The following MFSD8 variants were observed in gnomAD, a reference collection of about 807,000 sequenced individuals.
MFSD8 encodes the protein major facilitator superfamily domain containing 8.
Under a neutral mutation model 66.4 loss-of-function variants are expected in MFSD8, and 55 were observed. The ratio of observed to expected loss-of-function variants is 0.83; its 90% confidence interval spans 0.67 to 1.04. MFSD8 has a LOEUF of 1.04. Ranked by LOEUF, MFSD8 falls within the 50% of genes least tolerant of loss-of-function variation. The probability of loss-of-function intolerance (pLI) is 0.00; values close to 1 mark genes in which losing one functional copy is unlikely to be tolerated. For missense variants in MFSD8, 550 were observed against 627.6 expected, an observed-to-expected ratio of 0.88 and a Z score of 1.32; for synonymous variants, 202 against 212.8, an observed-to-expected ratio of 0.95 and a Z score of 0.44.
At position 127,930,787 on chromosome 4, in the gene MFSD8, A is replaced by C. The variant is rs118203977; in HGVS notation, c.894T>G (p.Tyr298Ter). 3.7e-6 allele frequency: 6 copies of C among 1,612,184 alleles called. No individual in the cohort carries two copies. The South Asian group carries it at 6.6e-5, about 18-fold the overall frequency. ...TIITPLTMDM[Y>*]AWTQEQAVLY... ...ACACAGCTTGTTCTTGAGTCCAGGCATACATATCCATTGTTAATGGAGTAA... is the reference window on the plus strand; with the variant it reads ...ACACAGCTTGTTCTTGAGTCCAGGCCTACATATCCATTGTTAATGGAGTAA... Residue 298 changes from tyrosine (Y) to a stop codon, truncating the protein, a stop_gained, in exon 9 of 12, where the codon TAT becomes TAG. Transcript: ENST00000641686. LOFTEE classifies it high-confidence loss of function.
rs558338773 is a variant in MFSD8, at chr4:127,950,071, G to A, written c.155-224C>T. Among the ~76,000 whole-genome samples the A allele has an allele frequency of 9.9e-5, 15 of 152,208 alleles. No homozygotes were observed. The East Asian group carries it at 2.9e-3, about 29-fold the overall frequency. On this transcript the variant is annotated intron_variant, in intron 2 of 11. Coordinates refer to ENST00000641686, the MANE Select transcript of MFSD8 (RefSeq NM_001371596.2). The stretch of plus-strand genomic sequence containing the variant: ...TCATCATAATAACAAATACAAAAAA[G>A]CAGAGGATCTACTTCTCCATACTCA...
In MFSD8 at chr4:127,921,702, A is replaced by T; in HGVS notation, c.1172T>A (p.Met391Lys). 1 of 1,614,214 alleles carries T rather than the reference A, an allele frequency of 6.2e-7. No homozygotes were observed. Among genetic ancestry groups the T allele is most frequent in the Non-Finnish European group, 8.5e-7 (1 of 1,180,034 alleles). The change falls in exon 11 of 12, where the codon ATG (methionine) becomes AAG (lysine). Residue 391 changes from methionine (M) to lysine (K), a missense_variant. Met to Lys is a moderately conservative substitution (Grantham distance 95). Coordinates refer to ENST00000641686, the MANE Select transcript of MFSD8 (RefSeq NM_001371596.2). ...AGTTGGTCTTTCATTGTCATCTTCC[A>T]TTGGAGACTTCCAAAGACCAATAAT... ...EIIIGLWKSP[M>K]EDDNERPTGC...
intron 4 of MFSD8, 60 bp from the exon 5 acceptor site, chr4:127,942,218 C>A: frequency 7.4e-7 from 1 of 1,344,474 alleles, no homozygotes; most frequent in Middle Eastern, 1.8e-4. Context: ...TTATAAAATT[C>A]AATCCAATTT....
chr4:127,920,114 G>A lies in MFSD8; in HGVS notation c.*516C>T, dbSNP rs1215615650. 6.2e-6 allele frequency: 1 copy of A among 160,676 alleles called. No homozygotes were observed. Among genetic ancestry groups the A allele is most frequent in the Non-Finnish European group, 1.4e-5 (1 of 73,316 alleles). The allele number at this position is 160,676 out of a possible 1,614,324, so 10.0% of individuals were successfully genotyped here. ...GTTAGGCACGCTAAATGGAAAATAT[G>A]TGTTATAATTTTTATTTCATAAGTG... On this transcript the variant is annotated 3_prime_UTR_variant, in exon 12 of 12. Coordinates refer to ENST00000641686, the MANE Select transcript of MFSD8 (RefSeq NM_001371596.2).
intron 8 of MFSD8, among the ~76,000 whole-genome samples, chr4:127,931,188 T>C (rs1220594800): frequency 6.6e-6 from 1 of 152,196 alleles, no homozygotes; most frequent in East Asian, 1.9e-4. Context: ...TTCAATGCAA[T>C]AATGTTATAT....
At chr4:127,941,756 A>G (rs571485953) in intron 5 of MFSD8, among the ~76,000 whole-genome samples, 1 of 152,200 alleles carries the variant, frequency 6.6e-6, no homozygotes, top group East Asian at 1.9e-4. Context: ...ACCACCACGC[A>G]TGGCCTCACT....
At chr4:127,922,259 TG>T (rs1413710976) in intron 9 of MFSD8, among the ~76,000 whole-genome samples, 3 of 152,156 alleles carry the variant, frequency 2.0e-5, no homozygotes, top group Non-Finnish European at 4.4e-5. Flanking sequence ...TTGAAGAAGC[TG>T]GCCAAAAATG....
intron 9 of MFSD8, 42 bp downstream of exon 9, chr4:127,930,641 A>T (rs753933965): frequency 8.7e-6 from 14 of 1,605,698 alleles, no homozygotes; most frequent in Admixed American, 3.4e-5. Context: ...TTTTTGTTTT[A>T]TTTTTTAAAA....
chr4:127,939,281 A>G (rs2148904387), intron 6 of MFSD8: 1 of 155,886 alleles, frequency 6.4e-6, no homozygotes, highest in South Asian at 1.9e-4. Flanking sequence ...TGTTACTTCC[A>G]TGCCTTTCCC....
chr4:127,931,786 T>C (rs975112043), intron 8 of MFSD8, among the ~76,000 whole-genome samples: 1 of 152,154 alleles, frequency 6.6e-6, no homozygotes, highest in Non-Finnish European at 1.5e-5. Context: ...ATGCACTTAA[T>C]GCTACTGAAC....
At chr4:127,953,013 A>G (rs1457386001) in intron 2 of MFSD8, among the ~76,000 whole-genome samples, 1 of 152,180 alleles carries the variant, frequency 6.6e-6, no homozygotes, top group Non-Finnish European at 1.5e-5. Flanking sequence ...AATTGCAGGC[A>G]TTGCTACCAA....
chr4:127,951,815 G>A (rs1435973090), intron 2 of MFSD8, among the ~76,000 whole-genome samples: 1 of 147,730 alleles, frequency 6.8e-6, no homozygotes, highest in Non-Finnish European at 1.5e-5. Flanking sequence ...TGCAATCTCC[G>A]CCTCCCGGGT....
intron 3 of MFSD8, 132 bp downstream of exon 3, chr4:127,949,671 AG>A (rs1200058319): frequency 5.0e-5 from 38 of 755,940 alleles, no homozygotes; most frequent in Non-Finnish European, 7.3e-5. Flanking sequence ...GCCTCTTTTA[AG>A]GAACTATTAT....
In MFSD8 at chr4:127,950,644, C is replaced by T. The variant is rs532742472; in HGVS notation, c.155-797G>A. The stretch of plus-strand genomic sequence containing the variant: ...GGCGGAGTAGGTTGTAGTGAGCCAA[C>T]ATCGCACCACTGCACTCCAGCATGG... On this transcript the variant is annotated intron_variant, in intron 2 of 11. Transcript: ENST00000641686. 7.2e-5 allele frequency among the ~76,000 whole-genome samples: 11 copies of T among 151,748 alleles called. No homozygotes were observed. The South Asian group carries it at 2.3e-3, about 32-fold the overall frequency.
At chr4:127,937,430 T>G (rs886435715) in intron 7 of MFSD8, among the ~76,000 whole-genome samples, 1 of 152,180 alleles carries the variant, frequency 6.6e-6, no homozygotes, top group African/African-American at 2.4e-5. Flanking sequence ...ATCTCTATCT[T>G]GATTCCTCTT....
In MFSD8 at chr4:127,943,840, G is replaced by A. The variant is rs1263648080; in HGVS notation, c.351C>T (p.Ala117=). ...TGTGGAGATATGCATAGAGGCAGTT[G>A]GCTGCCACGGAAATCAAGATGGAGA... ...LIVSILISVA[A]NCLYAYLHIP... is the part of the protein sequence containing the mutation. The change falls in exon 4 of 12, where the codon GCC becomes GCT. Residue 117 remains alanine, a synonymous_variant. Coordinates refer to ENST00000641686, the MANE Select transcript of MFSD8 (RefSeq NM_001371596.2). The A allele has an allele frequency of 6.2e-7, 1 of 1,614,016 alleles. No homozygotes were observed. Among genetic ancestry groups the A allele is most frequent in the African/African-American group, 1.3e-5 (1 of 74,914 alleles).
chr4:127,922,436 C>G (rs1239420857), intron 9 of MFSD8, among the ~76,000 whole-genome samples: 1 of 151,996 alleles, frequency 6.6e-6, no homozygotes, highest in Non-Finnish European at 1.5e-5. Flanking sequence ...CCAGCCTGGG[C>G]AACATAGCAA....
chr4:127,964,686 C>A, intron 1 of MFSD8: 1 of 295,996 alleles, frequency 3.4e-6, no homozygotes, highest in Non-Finnish European at 6.6e-6. Context: ...GGGGCTCCCA[C>A]AGTGCAGCGG....
At position 127,930,664 on chromosome 4, in the gene MFSD8, C is replaced by T; in HGVS notation, c.998+19G>A. 6.2e-7 allele frequency: 1 copy of T among 1,612,564 alleles called. No individual in the cohort carries two copies. On this transcript the variant is annotated intron_variant, in intron 9 of 11. Transcript: ENST00000641686. The stretch of plus-strand genomic sequence containing the variant: ...TTATTTTTTAAAAACAGACATAAAA[C>T]CAAAAACACTTAACTTACTTTTTGG...
Sources: gnomAD v4.1 joint callset for allele counts (sites outside exome capture counted in the v4.1 genomes callset) on GRCh38, gnomAD v4.1.1 for gene constraint, MANE v1.5 for transcripts, NCBI Gene and HGNC (gene_info 2026-07-23, HGNC 2026-07-21) for gene names.